TRERF1: variants seen among roughly 807,000 people sequenced by gnomAD.
TRERF1 encodes the protein transcriptional regulating factor 1.
TRERF1 carries 27 observed loss-of-function variants against 122.9 expected under a neutral mutation model. The ratio of observed to expected loss-of-function variants is 0.22; its 90% CI spans 0.16 to 0.30. The LOEUF (loss-of-function observed/expected upper bound fraction) is 0.30, where lower values mean the gene tolerates loss of function less well. TRERF1 is among the 10% of genes least tolerant of loss of function. The probability of loss-of-function intolerance (pLI) is 1.00; values close to 1 mark genes in which losing one functional copy is unlikely to be tolerated. For missense variants in TRERF1, 1,248 were observed against 1,560.3 expected (o/e 0.80, Z 3.37); for synonymous variants, 636 against 641.7 (o/e 0.99, Z 0.13).
exon 18 of TRERF1, chr6:42,225,276 T>G (rs1261685096): frequency 1.3e-5 from 2 of 151,834 alleles, no homozygotes; most frequent in Non-Finnish European, 2.9e-5. Context: ...ATTTATTTGT[T>G]ACATATGATG....
intron 3 of TRERF1, among the ~76,000 whole-genome samples, chr6:42,332,782 G>A (rs1217254342): frequency 6.6e-6 from 1 of 152,162 alleles, no homozygotes; most frequent in African/African-American, 2.4e-5. Context: ...AATTCCAGCA[G>A]TCTGCATTCT....
Position 42,414,022 on chromosome 6 carries a change from C to A in TRERF1, c.-454+37155G>T, listed in dbSNP as rs145238306. 5.7e-3 allele frequency among the ~76,000 whole-genome samples: 867 copies of A among 152,108 alleles called. 6 individuals are homozygous for A. Among genetic ancestry groups the A allele is most frequent in the Middle Eastern group, 0.017 (5 of 294 alleles). Reference sequence around the variant, plus strand: ...AAAAGTTAGAAAAGAAACACAAAGACCCAATAAAAGTGCCACTGATACAAG... The same window carrying A: ...AAAAGTTAGAAAAGAAACACAAAGAACCAATAAAAGTGCCACTGATACAAG... On this transcript the variant is annotated intron_variant, in intron 2 of 17. Transcript: ENST00000372922.
At chr6:42,451,549 A>T (rs1441257795) in intron 1 of TRERF1, among the ~76,000 whole-genome samples, 125 bp downstream of exon 1, 1 of 150,790 alleles carries the variant, frequency 6.6e-6, no homozygotes, top group Admixed American at 6.6e-5. Context: ...CCCTCCCTTC[A>T]GGAAATCTAC....
intron 3 of TRERF1, among the ~76,000 whole-genome samples, chr6:42,303,785 T>C (rs1786642785): frequency 6.6e-6 from 1 of 150,954 alleles, no homozygotes; most frequent in South Asian, 2.1e-4. Context: ...GTGTGGTGGT[T>C]TGTGTTTGTA....
chr6:42,414,851 A>G (rs1311624316), intron 2 of TRERF1, among the ~76,000 whole-genome samples: 1 of 152,220 alleles, frequency 6.6e-6, no homozygotes, highest in Non-Finnish European at 1.5e-5. Flanking sequence ...GTTGTCTTCA[A>G]TTTTCCATGA....
chr6:42,298,301 G>A (rs1320212376), intron 4 of TRERF1, among the ~76,000 whole-genome samples: 1 of 151,722 alleles, frequency 6.6e-6, no homozygotes, highest in African/African-American at 2.4e-5. Context: ...GATTATAGGT[G>A]CGCGCCACCA....
At chr6:42,265,135 C>G (rs1385042666) in intron 6 of TRERF1, among the ~76,000 whole-genome samples, 1 of 152,232 alleles carries the variant, frequency 6.6e-6, no homozygotes, top group Non-Finnish European at 1.5e-5. Flanking sequence ...TGGATTTTGA[C>G]TTGGGAACGA....
At chr6:42,377,797 T>G (rs946803457) in intron 2 of TRERF1, among the ~76,000 whole-genome samples, 57 of 152,178 alleles carry the variant, frequency 3.7e-4, no homozygotes, top group African/African-American at 1.3e-3. Context: ...CGAGGGAATG[T>G]TCAGTGCCTC....
intron 3 of TRERF1, among the ~76,000 whole-genome samples, chr6:42,315,961 C>G (rs925181611): frequency 3.3e-5 from 5 of 152,162 alleles, no homozygotes; most frequent in African/African-American, 1.2e-4. Context: ...ACATGAGGAC[C>G]CAAGGGAGGC....
Position 42,269,728 on chromosome 6 carries a change from G to A in TRERF1, c.-138C>T, listed in dbSNP as rs1582710890. On this transcript the variant is annotated 5_prime_UTR_variant, in exon 5 of 18. Transcript: ENST00000372922. This position sits in a 1 kb window ranked among gnomAD's most constrained non-coding sequence, Gnocchi z 4.9. ...CCACGGCTGACATGTCTGTGAACGT[G>A]GCTGGAGCCAGGTGTTCCTGTTGGC... 25 of 1,450,006 alleles carry A rather than the reference G, an allele frequency of 1.7e-5. No homozygotes were observed. The East Asian group carries it at 6.2e-4, about 36-fold the overall frequency. The allele number at this position is 1,450,006 out of a possible 1,614,324, so 89.8% of individuals were successfully genotyped here.
intron 4 of TRERF1, among the ~76,000 whole-genome samples, chr6:42,284,043 T>C (rs926589673): frequency 6.6e-5 from 10 of 152,292 alleles, no homozygotes; most frequent in African/African-American, 2.4e-4. Flanking sequence ...CTCATAGATC[T>C]GTGGAATAGA....
At chr6:42,351,688 C>G (rs963428957) in intron 3 of TRERF1, among the ~76,000 whole-genome samples, 3 of 152,056 alleles carry the variant, frequency 2.0e-5, no homozygotes, top group African/African-American at 7.2e-5. Flanking sequence ...GGCTACATGC[C>G]CCAGCACCCC....
chr6:42,413,814 C>T (rs1326245714), intron 2 of TRERF1, among the ~76,000 whole-genome samples: 2 of 151,388 alleles, frequency 1.3e-5, no homozygotes, highest in African/African-American at 4.9e-5. Flanking sequence ...CTTGCGTTGG[C>T]CAAAATTTAC....
chr6:42,429,878 C>T (rs577891315), intron 2 of TRERF1, among the ~76,000 whole-genome samples: 1 of 152,042 alleles, frequency 6.6e-6, no homozygotes, highest in Non-Finnish European at 1.5e-5. Flanking sequence ...GTCATTCGGG[C>T]GAAGGTGTGG....
At position 42,268,262 on chromosome 6, in the gene TRERF1, C is replaced by A; in HGVS notation, c.1329G>T (p.Arg443=). The stretch of plus-strand genomic sequence containing the variant: ...GGCGATGGGGGAGGGTGCTGCTGAC[C>A]CGGGTCAGATCTGAGCTCGCTGGGT... Residue 443 remains arginine, a synonymous_variant, in exon 5 of 18, where the codon CGG becomes CGT. Transcript: ENST00000372922. The surrounding 1 kb of genome is among the most constrained non-coding windows in gnomAD (Gnocchi z 4.4). 1 of 1,500,540 alleles carries A rather than the reference C, an allele frequency of 6.7e-7. No individual in the cohort carries two copies. The highest frequency in any genetic ancestry group is 2.3e-5 in the East Asian group (1 of 43,222). 93.0% of individuals were successfully genotyped at this position (1,500,540 alleles called of 1,614,324 possible).
chr6:42,374,152 AGAAG>A (rs1459083526), intron 2 of TRERF1, among the ~76,000 whole-genome samples: 47 of 134,566 alleles, frequency 3.5e-4, no homozygotes, highest in African/African-American at 1.5e-3. Flanking sequence ...AAAAAAAAAA[AGAAG>A]AAGAAGAAGA....
Position 42,403,629 on chromosome 6 carries a change from T to C in TRERF1, c.-453-40550A>G, listed in dbSNP as rs141243629. 1.2e-3 allele frequency among the ~76,000 whole-genome samples: 183 copies of C among 152,222 alleles called. 1 individual carries two copies. Among genetic ancestry groups the C allele is most frequent in the African/African-American group, 3.9e-3 (160 of 41,516 alleles). ...ATTTCTGTTGCTTTGAGTCATCCGG[T>C]ATGTAGTACTTTGTTTCAGCAGCCC... On this transcript the variant is annotated intron_variant, in intron 2 of 17. Coordinates refer to ENST00000372922, the Ensembl canonical transcript of TRERF1.
At chr6:42,390,683 C>A (rs1401919709) in intron 2 of TRERF1, among the ~76,000 whole-genome samples, 1 of 152,134 alleles carries the variant, frequency 6.6e-6, no homozygotes, top group African/African-American at 2.4e-5. Context: ...ACCGCCCGGC[C>A]CTCAGGAAAG....
At chr6:42,382,703 T>C (rs1345503348) in intron 2 of TRERF1, among the ~76,000 whole-genome samples, 1 of 151,276 alleles carries the variant, frequency 6.6e-6, no homozygotes, top group African/African-American at 2.5e-5. Context: ...GCAGCTTTTT[T>C]TTTCATATTA....
Sources: gnomAD v4.1 joint callset for allele counts (sites outside exome capture counted in the v4.1 genomes callset) on GRCh38, gnomAD v4.1.1 for gene constraint, Gnocchi (gnomAD v3.1) non-coding constraint, MANE v1.5 for transcripts, NCBI Gene and HGNC (gene_info 2026-07-23, HGNC 2026-07-21) for gene names.